Variants in GALNT2 observed in about 807,000 individuals in gnomAD.
GALNT2 encodes the protein UDP-GalNAc:polypeptide N-acetylgalactosaminyltransferase 2.
A neutral mutation model predicts 81.4 loss-of-function variants in GALNT2; 31 were observed. That is an observed-to-expected ratio of 0.38 (90% CI 0.29 to 0.51). The LOEUF (loss-of-function observed/expected upper bound fraction) is 0.51. GALNT2 is among the 20% of genes least tolerant of loss of function. The pLI is 0.87. For synonymous variants in GALNT2, 303 were observed against 287.4 expected (o/e 1.05, Z -0.55); for missense variants, 629 against 765.7 (o/e 0.82, Z 2.11).
At chr1:230,061,119 G>A (rs756334724) in intron 1 of GALNT2, among the ~76,000 whole-genome samples, 4 of 151,854 alleles carry the variant, frequency 2.6e-5, no homozygotes, top group Non-Finnish European at 5.9e-5. Flanking sequence ...ATTATTAATC[G>A]GGGCCCTTTA....
Position 230,236,347 on chromosome 1 carries a change from T to C in GALNT2, c.474-6T>C, listed in dbSNP as rs1310349102. The C allele has an allele frequency of 6.2e-7, 1 of 1,613,682 alleles. No individual in the cohort carries two copies. The highest frequency in any genetic ancestry group is 8.5e-7 in the Non-Finnish European group (1 of 1,179,754). On this transcript the variant is annotated splice_polypyrimidine_tract_variant and splice_region_variant and intron_variant, in intron 4 of 15. Transcript: ENST00000366672. ...CTATAAACTTTATCTTCTTGTCTTTTCTTAGCGTGCTTAAGAAAAGCCCGC... is the reference window on the plus strand; with the variant it reads ...CTATAAACTTTATCTTCTTGTCTTTCCTTAGCGTGCTTAAGAAAAGCCCGC...
At chr1:230,099,005 C>T (rs992371387) in intron 1 of GALNT2, among the ~76,000 whole-genome samples, 4 of 152,132 alleles carry the variant, frequency 2.6e-5, no homozygotes, top group South Asian at 2.1e-4. Flanking sequence ...TAGATGTTCC[C>T]GATCGCGCGG....
intron 6 of GALNT2, 89 bp downstream of exon 6, chr1:230,236,814 T>C (rs1665047930): frequency 3.0e-6 from 4 of 1,312,966 alleles, no homozygotes; most frequent in Non-Finnish European, 4.2e-6. Flanking sequence ...CAAAGAGCAA[T>C]TAATTGTCTA....
intron 2 of GALNT2, among the ~76,000 whole-genome samples, chr1:230,194,750 C>T (rs1172935183): frequency 1.3e-5 from 2 of 152,218 alleles, no homozygotes; most frequent in African/African-American, 4.8e-5. Flanking sequence ...GCAGGAACGC[C>T]TGTAGGGCTT....
rs779421010 is a variant in GALNT2 at position 230,107,643 on chromosome 1, T to TGTGTGTGTGG, written c.126+40238_126+40239insTGTGTGTGGG. 4.7e-5 allele frequency among the ~76,000 whole-genome samples: 7 copies of TGTGTGTGTGG among 149,006 alleles called. 1 individual carries two copies. The highest frequency in any genetic ancestry group is 7.4e-5 in the Non-Finnish European group (5 of 67,324). On this transcript the variant is annotated intron_variant, in intron 1 of 15. Coordinates refer to ENST00000366672, the MANE Select transcript of GALNT2 (RefSeq NM_004481.5). ...GTGTGTGTGTGTGTGTGTGTGTGTG[T>TGTGTGTGTGG]GGTTGGTTGGTTGGTTTAAGCCATG...
At chr1:230,245,642 A>C (rs1414381955) in intron 7 of GALNT2, among the ~76,000 whole-genome samples, 1 of 152,210 alleles carries the variant, frequency 6.6e-6, no homozygotes, top group African/African-American at 2.4e-5. Flanking sequence ...TTGATGTATG[A>C]GCATTTTAGC....
At position 230,254,195 on chromosome 1, in the gene GALNT2, C is replaced by T. The variant is rs573612714; in HGVS notation, c.1010-1023C>T. ...CCCTGACTCAGACTCCAGTCACTCA[C>T]CTAGTCAGTGGTGATAAGGGCAGGT... On this transcript the variant is annotated intron_variant, in intron 10 of 15. Transcript: ENST00000366672. Among the ~76,000 whole-genome samples, 60 of 152,270 alleles carry T rather than the reference C, an allele frequency of 3.9e-4. 1 individual carries two copies. The highest frequency in any genetic ancestry group is 6.8e-4 in the Non-Finnish European group (46 of 68,010).
intron 1 of GALNT2, among the ~76,000 whole-genome samples, chr1:230,128,257 ATGTG>A (rs59410758): frequency 3.3e-5 from 5 of 149,752 alleles, no homozygotes; most frequent in Admixed American, 6.6e-5. Flanking sequence ...GCGCTGGAGA[ATGTG>A]TGTGTGTGTG....
chr1:230,181,026 C>T (rs998183348), intron 2 of GALNT2, among the ~76,000 whole-genome samples: 7 of 152,146 alleles, frequency 4.6e-5, no homozygotes, highest in Non-Finnish European at 1.0e-4. Context: ...AGGTTTTCTG[C>T]ACAGACAATC....
intron 1 of GALNT2, among the ~76,000 whole-genome samples, chr1:230,096,959 C>T (rs1053215167): frequency 1.3e-5 from 2 of 152,178 alleles, no homozygotes; most frequent in African/African-American, 4.8e-5. Context: ...ACAATGATTC[C>T]CTCTCCTTAT....
At chr1:230,254,431 T>A (rs1572142909) in intron 10 of GALNT2, among the ~76,000 whole-genome samples, 1 of 152,292 alleles carries the variant, frequency 6.6e-6, no homozygotes, top group Non-Finnish European at 1.5e-5. Flanking sequence ...GCCAGCTGGT[T>A]ACTGACTGGT....
intron 14 of GALNT2, among the ~76,000 whole-genome samples, chr1:230,269,157 T>TTTTGAGACGGAGTTTGGCTG (rs1666108190): frequency 6.6e-6 from 1 of 151,074 alleles, no homozygotes; most frequent in African/African-American, 2.4e-5. Flanking sequence ...TTTTTTTTTT[T>TTTTGAGACGGAGTTTGGCTG]TTGAGACGGA....
chr1:230,153,684 TCA>T (rs1267216098), intron 1 of GALNT2, among the ~76,000 whole-genome samples: 1 of 152,196 alleles, frequency 6.6e-6, no homozygotes, highest in Non-Finnish European at 1.5e-5. Context: ...CCCAGAGGTC[TCA>T]GTTGTGAAAA....
intron 1 of GALNT2, among the ~76,000 whole-genome samples, chr1:230,061,660 T>C (rs1325900413): frequency 6.6e-6 from 1 of 152,196 alleles, no homozygotes; most frequent in Non-Finnish European, 1.5e-5. Context: ...AATTTAAGCC[T>C]GGAAAAACAG....
chr1:230,264,785 G>A (rs7552730), intron 13 of GALNT2: 8,288 of 153,310 alleles, frequency 0.054, 610 homozygotes, highest in East Asian at 0.22. Flanking sequence ...GTTCTTCCCC[G>A]TGGCTGTGGC....
chr1:230,062,934 T>C (rs533543837), upstream of GALNT2, among the ~76,000 whole-genome samples: 307 of 152,314 alleles, frequency 2.0e-3, no homozygotes, highest in African/African-American at 7.1e-3. Context: ...GGAACCACTA[T>C]ACCATTTTCA....
intron 14 of GALNT2, among the ~76,000 whole-genome samples, chr1:230,269,326 C>T (rs1666113273): frequency 6.6e-6 from 1 of 151,920 alleles, no homozygotes; most frequent in Non-Finnish European, 1.5e-5. Flanking sequence ...GCAGGGATTA[C>T]AGGCACGTGC....
intron 14 of GALNT2, among the ~76,000 whole-genome samples, chr1:230,268,986 C>T (rs967054430): frequency 1.1e-4 from 17 of 152,166 alleles, no homozygotes; most frequent in African/African-American, 4.1e-4. Context: ...GGTGTGTCTC[C>T]CACTCTGCTT....
At chr1:230,270,541 TG>T (rs1666138411) in intron 14 of GALNT2, among the ~76,000 whole-genome samples, 1 of 152,266 alleles carries the variant, frequency 6.6e-6, no homozygotes, top group Admixed American at 6.5e-5. Context: ...CAAATGGCCC[TG>T]GGTGCCCTGT....
Sources: allele counts gnomAD v4.1 joint callset (sites outside exome capture counted in the v4.1 genomes callset), GRCh38; gene constraint gnomAD v4.1.1; transcripts MANE v1.5; gene names NCBI Gene and HGNC (gene_info 2026-07-23, HGNC 2026-07-21).